The following NCOA2 variants were observed in gnomAD, a reference collection of about 807,000 sequenced individuals.
The protein encoded by NCOA2 is nuclear receptor coactivator 2.
A neutral mutation model predicts 145.1 loss-of-function variants in NCOA2; 21 were observed. The ratio of observed to expected loss-of-function variants is 0.14; its 90% CI spans 0.10 to 0.21. The LOEUF is 0.21. NCOA2 is among the 10% of genes least tolerant of loss of function. NCOA2 has a pLI of 1.00. For synonymous variants in NCOA2, 619 were observed against 637.5 expected (o/e 0.97, Z 0.44); for missense variants, 1,472 against 1,837.6 (o/e 0.80, Z 3.64).
At chr8:70,188,467 A>G (rs888246323) in intron 4 of NCOA2, among the ~76,000 whole-genome samples, 29 of 152,248 alleles carry the variant, frequency 1.9e-4, no homozygotes, top group African/African-American at 6.5e-4. Context: ...CCTGCTTCAC[A>G]GGGATGTTAT....
intron 1 of NCOA2, among the ~76,000 whole-genome samples, chr8:70,387,471 T>A (rs1278501168): frequency 1.3e-5 from 2 of 152,206 alleles, no homozygotes; most frequent in Non-Finnish European, 2.9e-5. Flanking sequence ...AAATAATAAA[T>A]CCTCTTTCCT....
chr8:70,287,517 T>C (rs187463694), intron 2 of NCOA2, among the ~76,000 whole-genome samples: 1,619 of 152,292 alleles, frequency 0.011, 25 homozygotes, highest in African/African-American at 0.035. Context: ...ATAAAACTTG[T>C]GAAGTCATTT....
At chr8:70,378,474 A>G (rs1329654490) in intron 1 of NCOA2, among the ~76,000 whole-genome samples, 2 of 151,818 alleles carry the variant, frequency 1.3e-5, no homozygotes, top group Non-Finnish European at 2.9e-5. Flanking sequence ...TTCTTCACAG[A>G]TGGCTGAAGT....
chr8:70,179,134 A>G (rs185891484), intron 4 of NCOA2, among the ~76,000 whole-genome samples: 6 of 152,352 alleles, frequency 3.9e-5, no homozygotes, highest in African/African-American at 1.4e-4. Context: ...TGAAGAATTC[A>G]GAGCTTACTC....
At chr8:70,318,846 T>A (rs1217242375) in intron 1 of NCOA2, among the ~76,000 whole-genome samples, 2 of 152,098 alleles carry the variant, frequency 1.3e-5, no homozygotes, top group Non-Finnish European at 2.9e-5. Context: ...CAGGCAGAAA[T>A]CTCAAGACCA....
chr8:70,375,027 C>T (rs576400315), intron 1 of NCOA2, among the ~76,000 whole-genome samples: 1 of 151,804 alleles, frequency 6.6e-6, no homozygotes, highest in South Asian at 2.1e-4. Context: ...TTTTTAACAT[C>T]GCATATCATC....
At chr8:70,356,979 AT>A (rs762799490) in intron 1 of NCOA2, among the ~76,000 whole-genome samples, 25 of 152,130 alleles carry the variant, frequency 1.6e-4, no homozygotes, top group Non-Finnish European at 4.4e-5. Flanking sequence ...ATATATGGTT[AT>A]TTTCCCTAAC....
chr8:70,278,356 T>C (rs895527936), intron 2 of NCOA2, among the ~76,000 whole-genome samples: 3 of 152,232 alleles, frequency 2.0e-5, no homozygotes, highest in African/African-American at 7.2e-5. Context: ...TTATGACTAA[T>C]GCTGCTATGA....
intron 1 of NCOA2, among the ~76,000 whole-genome samples, chr8:70,374,765 G>A (rs1297993232): frequency 6.7e-6 from 1 of 149,300 alleles, no homozygotes; most frequent in Non-Finnish European, 1.5e-5. Flanking sequence ...TCATGCTACT[G>A]CACTCTAGAC....
intron 1 of NCOA2, among the ~76,000 whole-genome samples, chr8:70,383,747 C>T (rs866336207): frequency 1.3e-5 from 2 of 152,128 alleles, no homozygotes; most frequent in Non-Finnish European, 2.9e-5. Flanking sequence ...TCAGGTGATC[C>T]GCCCACCTCG....
the NCOA2 span, among the ~76,000 whole-genome samples, chr8:70,419,239 T>C: frequency 1.3e-5 from 2 of 152,280 alleles, no homozygotes; most frequent in East Asian, 3.9e-4. Context: ...GGGACATTGT[T>C]GCAATTCTTC....
At chr8:70,367,235 C>T (rs961043006) in intron 1 of NCOA2, among the ~76,000 whole-genome samples, 1 of 152,166 alleles carries the variant, frequency 6.6e-6, no homozygotes, top group South Asian at 2.1e-4. Context: ...GTTCTCATTT[C>T]CTTCTATAAT....
chr8:70,115,610 C>T (rs959450705), intron 22 of NCOA2, among the ~76,000 whole-genome samples: 9 of 152,078 alleles, frequency 5.9e-5, no homozygotes, highest in Non-Finnish European at 1.0e-4. Flanking sequence ...AACTAAAAGC[C>T]GACCCTATTA....
At chr8:70,126,635 T>C in intron 19 of NCOA2, 178 bp downstream of exon 19, 1 of 619,226 alleles carries the variant, frequency 1.6e-6, no homozygotes, top group Non-Finnish European at 2.9e-6. Flanking sequence ...GGTACTGTGC[T>C]GGACTTGGGG....
Position 70,112,644 on chromosome 8 carries a change from A to ATT in NCOA2, c.*986_*987dup, listed in dbSNP as rs139564184. On this transcript the variant is annotated 3_prime_UTR_variant, in exon 23 of 23. Transcript: ENST00000452400. Reference sequence around the variant, plus strand: ...TGCTCTTCTCCTTGCCAGTAAATGCATTTTTTTTTTCTGAAATTCAATACT... The same window carrying ATT: ...TGCTCTTCTCCTTGCCAGTAAATGCATTTTTTTTTTTTCTGAAATTCAATACT... 9.4e-5 allele frequency: 18 copies of ATT among 191,168 alleles called. No individual in the cohort carries two copies. Among genetic ancestry groups the ATT allele is most frequent in the East Asian group, 3.4e-4 (4 of 11,654 alleles). The allele number at this position is 191,168 out of a possible 1,614,324, so 11.8% of individuals were successfully genotyped here.
intron 5 of NCOA2, among the ~76,000 whole-genome samples, chr8:70,171,755 T>C (rs577993859): frequency 6.6e-6 from 1 of 152,320 alleles, no homozygotes; most frequent in East Asian, 1.9e-4. Context: ...CTTGAACTCC[T>C]GGGCTCAAGC....
At chr8:70,141,532 T>C (rs907354370) in intron 13 of NCOA2, 133 bp from the exon 14 acceptor site, 20 of 851,450 alleles carry the variant, frequency 2.3e-5, no homozygotes, top group African/African-American at 8.4e-5. Context: ...AATGTTCTCA[T>C]TGGGCAGATG....
At chr8:70,414,936 T>TA in the NCOA2 span, among the ~76,000 whole-genome samples, 2,902 of 148,120 alleles carry the variant, frequency 0.02, 29 homozygotes, top group Non-Finnish European at 0.025. Flanking sequence ...CACAAAATGA[T>TA]AAAAAAAAAA....
intron 6 of NCOA2, among the ~76,000 whole-genome samples, chr8:70,169,924 AC>A (rs1196873144): frequency 6.6e-6 from 1 of 150,924 alleles, no homozygotes; most frequent in Non-Finnish European, 1.5e-5. Flanking sequence ...CATCATCATC[AC>A]TTCTTGGCCT....
Sources: gnomAD v4.1 joint callset for allele counts (sites outside exome capture counted in the v4.1 genomes callset) on GRCh38, gnomAD v4.1.1 for gene constraint, MANE v1.5 for transcripts, NCBI Gene and HGNC (gene_info 2026-07-23, HGNC 2026-07-21) for gene names.